Variants in ERC2 observed in about 807,000 individuals in gnomAD.
ERC2 encodes ELKS/RAB6-interacting/CAST family member 2.
ERC2 carries 42 observed loss-of-function variants against 114.8 expected under a neutral mutation model. That is an observed-to-expected ratio of 0.37 (90% CI 0.29 to 0.47). The LOEUF is 0.47. Among genes scored for constraint, ERC2 ranks in the 20% least tolerant of loss-of-function variants. ERC2 has a pLI of 0.99. For missense variants in ERC2, 939 were observed against 1,150.7 expected (o/e 0.82, Z 2.66); for synonymous variants, 454 against 425.5 (o/e 1.07, Z -0.82).
intron 1 of ERC2, among the ~76,000 whole-genome samples, chr3:56,442,710 C>T (rs2062376329): frequency 6.6e-6 from 1 of 152,192 alleles, no homozygotes; most frequent in Non-Finnish European, 1.5e-5. Flanking sequence ...TACAATATAG[C>T]TTTTCCAAAA....
At chr3:55,549,080 C>T (rs1400786775) in intron 17 of ERC2, among the ~76,000 whole-genome samples, 1 of 152,142 alleles carries the variant, frequency 6.6e-6, no homozygotes, top group Non-Finnish European at 1.5e-5. Context: ...CCCCATAATC[C>T]ATACTTATTT....
chr3:56,394,040 A>G (rs1486293572), intron 2 of ERC2, among the ~76,000 whole-genome samples: 3 of 152,212 alleles, frequency 2.0e-5, no homozygotes, highest in Non-Finnish European at 4.4e-5. Context: ...TGATAAGTAG[A>G]GAATTTTCTC....
intron 6 of ERC2, among the ~76,000 whole-genome samples, chr3:56,135,527 T>C (rs1575548519): frequency 6.6e-6 from 1 of 152,162 alleles, no homozygotes; most frequent in East Asian, 1.9e-4. Flanking sequence ...ATAACAGCAA[T>C]GGTGATACCA....
intron 15 of ERC2, among the ~76,000 whole-genome samples, chr3:55,719,092 G>A (rs1418550135): frequency 6.6e-6 from 1 of 152,126 alleles, no homozygotes; most frequent in African/African-American, 2.4e-5. Flanking sequence ...ATTAAGCCCT[G>A]AGAATTTATC....
At chr3:56,142,896 G>T (rs183663331) in intron 5 of ERC2, among the ~76,000 whole-genome samples, 145 of 151,756 alleles carry the variant, frequency 9.6e-4, no homozygotes, top group African/African-American at 3.4e-3. Context: ...GTCCTTTAGA[G>T]AATTTGCCTC....
intron 13 of ERC2, among the ~76,000 whole-genome samples, chr3:55,944,519 A>G (rs557057033): frequency 1.2e-4 from 18 of 152,370 alleles, no homozygotes; most frequent in East Asian, 9.6e-4. Flanking sequence ...TGGAAAAACA[A>G]GTCATACTTT....
chr3:55,733,641 T>G (rs541220302), intron 15 of ERC2, among the ~76,000 whole-genome samples: 2 of 152,184 alleles, frequency 1.3e-5, no homozygotes, highest in Admixed American at 1.3e-4. Context: ...AAATGAACTC[T>G]GGTGCAGGGT....
At chr3:56,056,863 C>T (rs1445212665) in intron 7 of ERC2, among the ~76,000 whole-genome samples, 1 of 152,132 alleles carries the variant, frequency 6.6e-6, no homozygotes, top group Non-Finnish European at 1.5e-5. Context: ...ATTCATTAGG[C>T]GCCAGTTATT....
chr3:56,049,818 ATG>A (rs3052672), intron 7 of ERC2, among the ~76,000 whole-genome samples: 8,233 of 145,162 alleles, frequency 0.057, 316 homozygotes, highest in East Asian at 0.18. Flanking sequence ...CCCATCATAT[ATG>A]TGTGTGTGTG....
intron 16 of ERC2, among the ~76,000 whole-genome samples, chr3:55,691,272 T>A (rs2062625732): frequency 6.6e-6 from 1 of 152,088 alleles, no homozygotes; most frequent in African/African-American, 2.4e-5. Context: ...TATCCTCCAA[T>A]CTACTTGTGA....
At chr3:55,952,695 G>A (rs2067664058) in intron 12 of ERC2, among the ~76,000 whole-genome samples, 1 of 152,116 alleles carries the variant, frequency 6.6e-6, no homozygotes, top group Non-Finnish European at 1.5e-5. Flanking sequence ...AGAACCAACT[G>A]CTAAAAGTCC....
At chr3:56,373,728 A>G (rs1560696281) in intron 2 of ERC2, among the ~76,000 whole-genome samples, 1 of 152,248 alleles carries the variant, frequency 6.6e-6, no homozygotes, top group Non-Finnish European at 1.5e-5. Flanking sequence ...CAGAGACAAT[A>G]AAATGAATGA....
chr3:56,275,645 A>G (rs1347830697), intron 3 of ERC2, among the ~76,000 whole-genome samples: 1 of 152,198 alleles, frequency 6.6e-6, no homozygotes, highest in African/African-American at 2.4e-5. Context: ...ATCTTGTTAC[A>G]ATGCAGATTC....
intron 2 of ERC2, among the ~76,000 whole-genome samples, chr3:56,307,072 C>A (rs2056272279): frequency 6.6e-6 from 1 of 152,170 alleles, no homozygotes; most frequent in African/African-American, 2.4e-5. Context: ...GGCCCTGGTG[C>A]AGAGGTGCAC....
chr3:56,463,530 A>G (rs1218722943), intron 1 of ERC2, among the ~76,000 whole-genome samples: 1 of 152,172 alleles, frequency 6.6e-6, no homozygotes, highest in Non-Finnish European at 1.5e-5. Context: ...TTTTAGTTGG[A>G]AAGGAGAAAA....
At chr3:55,665,357 C>T (rs1445347443) in intron 17 of ERC2, among the ~76,000 whole-genome samples, 1 of 152,100 alleles carries the variant, frequency 6.6e-6, no homozygotes, top group East Asian at 1.9e-4. Context: ...AGTTGTGCCC[C>T]CTCAGAATTC....
chr3:55,949,635 T>G (rs962399980), intron 13 of ERC2, among the ~76,000 whole-genome samples: 1 of 152,228 alleles, frequency 6.6e-6, no homozygotes, highest in Admixed American at 6.5e-5. Flanking sequence ...GAGTACATAT[T>G]GAAATTATCT....
chr3:56,319,018 A>G (rs2057003880), intron 2 of ERC2, among the ~76,000 whole-genome samples: 1 of 151,990 alleles, frequency 6.6e-6, no homozygotes, highest in Non-Finnish European at 1.5e-5. Flanking sequence ...GAGAAATTGG[A>G]ACCCTTGTAC....
intron 2 of ERC2, among the ~76,000 whole-genome samples, chr3:56,304,295 G>T (rs549952638): frequency 6.6e-6 from 1 of 152,208 alleles, no homozygotes; most frequent in East Asian, 1.9e-4. Flanking sequence ...ATATTTAAAA[G>T]GTGATATGAA....
Sources: allele counts gnomAD v4.1 joint callset (sites outside exome capture counted in the v4.1 genomes callset), GRCh38; gene constraint gnomAD v4.1.1; transcripts MANE v1.5; gene names NCBI Gene and HGNC (gene_info 2026-07-23, HGNC 2026-07-21).